The following HELZ variants were observed in gnomAD, a reference collection of about 807,000 sequenced individuals.
HELZ encodes helicase with zinc finger, also known as ATP-dependent RNA helicase with zinc finger domain.
A neutral mutation model predicts 218.2 loss-of-function variants in HELZ; 23 were observed. The ratio of observed to expected loss-of-function variants is 0.11; its 90% CI spans 0.08 to 0.15. HELZ has a LOEUF of 0.15. Among genes scored for constraint, HELZ ranks in the 10% least tolerant of loss-of-function variants. The pLI is 1.00. For synonymous variants in HELZ, 814 were observed against 829.4 expected (o/e 0.98, Z 0.32); for missense variants, 1,813 against 2,353.7 (o/e 0.77, Z 4.75).
At chr17:67,162,093 G>T (rs776700127) in intron 15 of HELZ, among the ~76,000 whole-genome samples, 10 of 152,058 alleles carry the variant, frequency 6.6e-5, no homozygotes, top group Non-Finnish European at 1.2e-4. Context: ...GGTTATTTTT[G>T]AAAAATCTTA....
At chr17:67,196,388 TA>T (rs1676093606) in intron 7 of HELZ, among the ~76,000 whole-genome samples, 1 of 152,246 alleles carries the variant, frequency 6.6e-6, no homozygotes, top group Non-Finnish European at 1.5e-5. Context: ...GCACTTTTTC[TA>T]AACTATTCTG....
At position 67,188,347 on chromosome 17, in the gene HELZ, T is replaced by C. The variant is rs2039812705; in HGVS notation, c.1134A>G (p.Arg378=). The C allele has an allele frequency of 6.2e-7, 1 of 1,612,774 alleles. No individual in the cohort carries two copies. The highest frequency in any genetic ancestry group is 8.5e-7 in the Non-Finnish European group (1 of 1,178,862). The change falls in exon 12 of 33, where the codon AGA becomes AGG. Residue 378 remains arginine, a synonymous_variant. Transcript: ENST00000358691. This position sits in a 1 kb window ranked among gnomAD's most constrained non-coding sequence, Gnocchi z 4.1. ...CTGTAGAAGCTGCATCAATCATTAC[T>C]CTTTGCATGAGTACTGGTTCCAATC... The part of the protein sequence containing the change: ...DFGLEPVLMQ[R]VMIDAASTED...
chr17:67,160,878 A>T lies in HELZ; in HGVS notation c.2075+19T>A, dbSNP rs757334162. 6 of 1,561,612 alleles carry T rather than the reference A, an allele frequency of 3.8e-6. No individual in the cohort carries two copies. The East Asian group carries it at 1.4e-4, about 36-fold the overall frequency. Reference sequence around the variant, plus strand: ...AGTATCCTACCAGGGAAATATGAGCACGCTTCCCACCCTCTCACCTAGTCT... The same window carrying T: ...AGTATCCTACCAGGGAAATATGAGCTCGCTTCCCACCCTCTCACCTAGTCT... On this transcript the variant is annotated intron_variant, in intron 16 of 32. Transcript: ENST00000358691.
intron 23 of HELZ, among the ~76,000 whole-genome samples, chr17:67,129,128 C>T (rs1267331651): frequency 1.3e-5 from 2 of 152,048 alleles, no homozygotes; most frequent in East Asian, 3.9e-4. Flanking sequence ...TCAGTACTCA[C>T]CTATCCACAC....
At chr17:67,218,520 T>C (rs764396097) in intron 4 of HELZ, 75 bp downstream of exon 4, 1 of 1,108,326 alleles carries the variant, frequency 9.0e-7, no homozygotes, top group Non-Finnish European at 1.4e-6. Flanking sequence ...GAATTAGCTA[T>C]TTGTATCGTC....
At chr17:67,092,802 T>C (rs543072308) in intron 31 of HELZ, among the ~76,000 whole-genome samples, 7 of 151,446 alleles carry the variant, frequency 4.6e-5, no homozygotes, top group Non-Finnish European at 1.0e-4. Context: ...CCATCTCTAC[T>C]AAAAATATAA....
At chr17:67,218,247 T>A (rs1057159147) in intron 4 of HELZ, among the ~76,000 whole-genome samples, 1 of 152,168 alleles carries the variant, frequency 6.6e-6, no homozygotes, top group African/African-American at 2.4e-5. Context: ...TTATTTTTTA[T>A]AATGCTTATT....
intron 2 of HELZ, among the ~76,000 whole-genome samples, chr17:67,240,890 G>T (rs530659215): frequency 3.3e-5 from 5 of 152,260 alleles, no homozygotes; most frequent in African/African-American, 1.2e-4. Flanking sequence ...ATTAAAAGTT[G>T]ACCAAAATAG....
At chr17:67,205,445 T>C (rs1435531716) in intron 5 of HELZ, among the ~76,000 whole-genome samples, 1 of 152,042 alleles carries the variant, frequency 6.6e-6, no homozygotes, top group Non-Finnish European at 1.5e-5. Flanking sequence ...CTTCATAAGG[T>C]TGTGGTAAAG....
chr17:67,186,934 C>T (rs1000959906), intron 12 of HELZ, among the ~76,000 whole-genome samples: 1 of 152,124 alleles, frequency 6.6e-6, no homozygotes, highest in African/African-American at 2.4e-5. Flanking sequence ...AACTACAACA[C>T]GAAAGTCAAA....
At chr17:67,093,159 G>C (rs1020681401) in intron 31 of HELZ, among the ~76,000 whole-genome samples, 1 of 152,082 alleles carries the variant, frequency 6.6e-6, no homozygotes, top group Non-Finnish European at 1.5e-5. Context: ...CCCTCTAACT[G>C]GTGTTCTCAG....
intron 12 of HELZ, 141 bp from the exon 13 acceptor site, chr17:67,179,067 CA>C: frequency 7.1e-6 from 4 of 565,898 alleles, no homozygotes; most frequent in Non-Finnish European, 1.2e-5. Context: ...CAAAACAATG[CA>C]AATACCCATT....
At chr17:67,233,112 C>T (rs1287290525) in intron 3 of HELZ, among the ~76,000 whole-genome samples, 1 of 152,114 alleles carries the variant, frequency 6.6e-6, no homozygotes, top group Non-Finnish European at 1.5e-5. Context: ...CCAGCTTAGG[C>T]GAAGAAGCGA....
At chr17:67,163,415 T>C (rs1302955109) in intron 15 of HELZ, among the ~76,000 whole-genome samples, 2 of 152,158 alleles carry the variant, frequency 1.3e-5, no homozygotes, top group African/African-American at 2.4e-5. Context: ...TTTTTCTTTT[T>C]TGAGACAGAG....
intron 31 of HELZ, among the ~76,000 whole-genome samples, chr17:67,094,388 T>TGA (rs71139117): frequency 4.1e-5 from 6 of 146,410 alleles, no homozygotes; most frequent in Admixed American, 1.4e-4. Context: ...GCAGGTTTGG[T>TGA]GAGAGAGAGA....
intron 9 of HELZ, among the ~76,000 whole-genome samples, chr17:67,192,255 T>C (rs920566562): frequency 1.3e-5 from 2 of 151,808 alleles, no homozygotes; most frequent in Admixed American, 1.3e-4. Context: ...AAACTATAAA[T>C]AGCAAAAGAG....
At chr17:67,207,928 G>A (rs956484088) in intron 5 of HELZ, among the ~76,000 whole-genome samples, 1 of 152,180 alleles carries the variant, frequency 6.6e-6, no homozygotes, top group Non-Finnish European at 1.5e-5. Context: ...GTACCCAGGA[G>A]GCTGAAGTTG....
chr17:67,197,919 G>A (rs1231419374), intron 7 of HELZ, among the ~76,000 whole-genome samples: 1 of 151,824 alleles, frequency 6.6e-6, no homozygotes, highest in Non-Finnish European at 1.5e-5. Context: ...AGAATACACA[G>A]ATTAACAAAT....
intron 12 of HELZ, among the ~76,000 whole-genome samples, chr17:67,187,673 C>T (rs2039792870): frequency 6.6e-6 from 1 of 152,172 alleles, no homozygotes; most frequent in South Asian, 2.1e-4. Context: ...TGTGGGCTAA[C>T]ATGTCCTTTC....
Sources: allele counts gnomAD v4.1 joint callset (sites outside exome capture counted in the v4.1 genomes callset), GRCh38; gene constraint gnomAD v4.1.1; non-coding constraint Gnocchi (gnomAD v3.1); transcripts MANE v1.5; gene names NCBI Gene and HGNC (gene_info 2026-07-23, HGNC 2026-07-21).